The following STARD13 variants were observed in gnomAD, a reference collection of about 807,000 sequenced individuals.
STARD13 encodes the protein stAR-related lipid transfer protein 13.
STARD13 carries 62 observed loss-of-function variants against 106.4 expected under a neutral mutation model. The observed-to-expected ratio is 0.58, with a 90% confidence interval of 0.48 to 0.72. STARD13 has a LOEUF of 0.72. Among genes scored for constraint, STARD13 ranks in the 30% least tolerant of loss-of-function variants. The pLI, the probability that STARD13 is intolerant of heterozygous loss-of-function variation, is 0.00. For synonymous variants in STARD13, 565 were observed against 553.0 expected (o/e 1.02, Z -0.31); for missense variants, 1,387 against 1,424.0 (o/e 0.97, Z 0.42).
intron 5 of STARD13, among the ~76,000 whole-genome samples, chr13:33,127,938 G>A (rs549981065): frequency 6.6e-6 from 1 of 151,486 alleles, no homozygotes; most frequent in East Asian, 1.9e-4. Context: ...AGAGAGGAAA[G>A]AGACGGAGAC....
chr13:33,349,282 A>G (rs1197729587), intron 1 of STARD13: 3 of 700,510 alleles, frequency 4.3e-6, no homozygotes, highest in Admixed American at 2.0e-5. Flanking sequence ...GGGCCCTTCC[A>G]ATCATGCTTC....
the STARD13 span, among the ~76,000 whole-genome samples, chr13:33,508,849 A>G: frequency 6.6e-6 from 1 of 152,198 alleles, no homozygotes; most frequent in South Asian, 2.1e-4. Context: ...ACAAACCTAG[A>G]TGGTATAGCC....
intron 1 of STARD13, among the ~76,000 whole-genome samples, chr13:33,174,213 G>A (rs1011649786): frequency 1.3e-5 from 2 of 151,982 alleles, no homozygotes; most frequent in South Asian, 2.1e-4. Context: ...TGACATATAC[G>A]TAAACAAATA....
chr13:33,175,443 C>A (rs776757043), intron 1 of STARD13, among the ~76,000 whole-genome samples: 2 of 152,170 alleles, frequency 1.3e-5, no homozygotes, highest in Admixed American at 1.3e-4. Context: ...GTTGAACCAC[C>A]AAGCCAGTAG....
intron 1 of STARD13, among the ~76,000 whole-genome samples, chr13:33,279,249 A>G (rs76843462): frequency 0.038 from 5,791 of 152,234 alleles, 152 homozygotes; most frequent in African/African-American, 0.046. Flanking sequence ...AATCTGTTTT[A>G]GGTCATCAAT....
intron 1 of STARD13, among the ~76,000 whole-genome samples, chr13:33,194,253 C>G (rs1287337376): frequency 6.6e-6 from 1 of 151,862 alleles, no homozygotes; most frequent in Non-Finnish European, 1.5e-5. Flanking sequence ...GATATTTGAA[C>G]CATAAATATA....
At chr13:33,498,917 C>T in the STARD13 span, among the ~76,000 whole-genome samples, 7 of 152,178 alleles carry the variant, frequency 4.6e-5, no homozygotes, top group Non-Finnish European at 8.8e-5. Context: ...GCAGGCAGAT[C>T]ACCTGAGGTC....
At chr13:33,423,346 G>C in the STARD13 span, among the ~76,000 whole-genome samples, 23,789 of 152,086 alleles carry the variant, frequency 0.16, 4,451 homozygotes, top group African/African-American at 0.44. Flanking sequence ...TGAAAAAATG[G>C]TCATCATCAC....
chr13:33,548,217 G>A, the STARD13 span, among the ~76,000 whole-genome samples: 1 of 152,110 alleles, frequency 6.6e-6, no homozygotes, highest in Non-Finnish European at 1.5e-5. Context: ...CCAAAGATAG[G>A]GGAAGTGATT....
intron 1 of STARD13, 66 bp from the exon 2 acceptor site, chr13:33,167,688 A>C: frequency 6.7e-7 from 1 of 1,485,202 alleles, no homozygotes; most frequent in Non-Finnish European, 9.4e-7. Flanking sequence ...TGCCTTCTTA[A>C]TCATGGAGAC....
chr13:33,511,085 G>T, the STARD13 span, among the ~76,000 whole-genome samples: 39 of 152,044 alleles, frequency 2.6e-4, 1 homozygote, highest in African/African-American at 9.4e-4. Flanking sequence ...TGAGGTGGGC[G>T]GATGACTTGA....
At chr13:33,144,006 C>T (rs1880196515) in intron 3 of STARD13, among the ~76,000 whole-genome samples, 1 of 152,238 alleles carries the variant, frequency 6.6e-6, no homozygotes, top group African/African-American at 2.4e-5. Flanking sequence ...TCTCATCTCT[C>T]TGGACACCAT....
At chr13:33,113,024 C>T in intron 8 of STARD13, 93 bp from the exon 9 acceptor site, 1 of 917,692 alleles carries the variant, frequency 1.1e-6, no homozygotes, top group Non-Finnish European at 1.6e-6. Flanking sequence ...CTCGTGTGAA[C>T]ACGCACCCAG....
At chr13:33,236,190 G>A (rs1291213835) in intron 1 of STARD13, among the ~76,000 whole-genome samples, 1 of 152,194 alleles carries the variant, frequency 6.6e-6, no homozygotes, top group Non-Finnish European at 1.5e-5. Context: ...GAATGCTTCA[G>A]ATTGCTGAGA....
the STARD13 span, among the ~76,000 whole-genome samples, chr13:33,567,257 T>TA: frequency 6.7e-6 from 1 of 148,488 alleles, no homozygotes; most frequent in Non-Finnish European, 1.5e-5. Context: ...AAATAAAACT[T>TA]ACAATGGCTG....
chr13:33,254,955 T>C (rs1253018372), intron 1 of STARD13, among the ~76,000 whole-genome samples: 1 of 152,036 alleles, frequency 6.6e-6, no homozygotes, highest in Admixed American at 6.5e-5. Flanking sequence ...TACAGAAAGC[T>C]GTCACACTGG....
the STARD13 span, among the ~76,000 whole-genome samples, chr13:33,390,472 G>A: frequency 2.1e-4 from 32 of 152,264 alleles, no homozygotes; most frequent in South Asian, 5.0e-3. Context: ...GTTTTGCAGC[G>A]CAAGCTTTAC....
rs1249450943 is a variant in STARD13 at position 33,130,920 on chromosome 13, G to A, written c.388-631C>T. The stretch of plus-strand genomic sequence containing the variant: ...AGATCGCTATTTGTGATCCAATCCG[G>A]CTACTCTGCATGAGCGTCTTTTTCT... On this transcript the variant is annotated intron_variant, in intron 4 of 13. Transcript: ENST00000336934. The surrounding 1 kb of genome is among the most constrained non-coding windows in gnomAD (Gnocchi z 4.1). Among the ~76,000 whole-genome samples the A allele has an allele frequency of 3.3e-5, 5 of 152,204 alleles. No homozygotes were observed. Among genetic ancestry groups the A allele is most frequent in the African/African-American group, 1.2e-4 (5 of 41,460 alleles).
At chr13:33,431,208 C>T in the STARD13 span, among the ~76,000 whole-genome samples, 10 of 151,944 alleles carry the variant, frequency 6.6e-5, no homozygotes, top group South Asian at 1.2e-3. Context: ...ATATCTATTG[C>T]GCATAGATAA....
Sources: gnomAD v4.1 joint callset for allele counts (sites outside exome capture counted in the v4.1 genomes callset) on GRCh38, gnomAD v4.1.1 for gene constraint, Gnocchi (gnomAD v3.1) non-coding constraint, MANE v1.5 for transcripts, NCBI Gene and HGNC (gene_info 2026-07-23, HGNC 2026-07-21) for gene names.